Variants in PDE4D observed in about 807,000 individuals in gnomAD.
PDE4D encodes the protein phosphodiesterase 4D.
A neutral mutation model predicts 87.4 loss-of-function variants in PDE4D; 24 were observed. The observed-to-expected ratio is 0.27, with a 90% CI of 0.20 to 0.39. PDE4D has a LOEUF of 0.39. Ranked by LOEUF, PDE4D falls within the 10% of genes least tolerant of loss-of-function variation. The pLI, the probability that PDE4D is intolerant of heterozygous loss-of-function variation, is 1.00. For synonymous variants in PDE4D, 384 were observed against 383.2 expected (o/e 1.00, Z -0.02); for missense variants, 714 against 1,041.0 (o/e 0.69, Z 4.32).
chr5:60,286,716 TAAG>T (rs1752451674), intron 1 of PDE4D, among the ~76,000 whole-genome samples: 1 of 152,132 alleles, frequency 6.6e-6, no homozygotes, highest in African/African-American at 2.4e-5. Context: ...TGAGGAAAAA[TAAG>T]AAGCCTCCGA....
chr5:60,282,235 A>ATATG (rs1490291783), intron 1 of PDE4D, among the ~76,000 whole-genome samples: 96 of 132,084 alleles, frequency 7.3e-4, no homozygotes, highest in South Asian at 5.2e-3. Flanking sequence ...ATATATATAT[A>ATATG]TATTTCTCAA....
intron 1 of PDE4D, among the ~76,000 whole-genome samples, chr5:59,882,629 T>C (rs13172075): frequency 0.057 from 8,626 of 152,244 alleles, 320 homozygotes; most frequent in African/African-American, 0.1. Context: ...TCAATCCATG[T>C]ATTTAATGGG....
chr5:59,934,410 T>C (rs1220872856), intron 3 of PDE4D, among the ~76,000 whole-genome samples: 1 of 152,170 alleles, frequency 6.6e-6, no homozygotes, highest in Non-Finnish European at 1.5e-5. Context: ...GTCTGATACA[T>C]GTCTAAGGGC....
At chr5:60,263,354 G>A (rs1458369988) in intron 1 of PDE4D, among the ~76,000 whole-genome samples, 1 of 152,108 alleles carries the variant, frequency 6.6e-6, no homozygotes, top group Admixed American at 6.5e-5. Context: ...TGAGACAACC[G>A]TGACCACAGC....
rs187527709 is a variant in PDE4D at position 59,973,867 on chromosome 5, A to G, written c.272+14621T>C. Among the ~76,000 whole-genome samples, 313 of 152,278 alleles carry G rather than the reference A, an allele frequency of 2.1e-3. 2 individuals carry two copies. The highest frequency in any genetic ancestry group is 2.8e-3 in the Non-Finnish European group (191 of 68,016). On this transcript the variant is annotated intron_variant, in intron 3 of 16. Coordinates refer to the PDE4D transcript ENST00000502484. ...AACAAACAAAAAAATGACCCAGACA[A>G]GGTCACCAAAGAGAAGAGAATAAAA...
In PDE4D at chr5:60,211,452, T is replaced by TG. The variant is rs142201433; in HGVS notation, c.-89-25766dup. ...AGAAAGCTACTTGCTTTAAGAATCT[T>TG]GGGGGGGTGGGGTAGGGAATATATA... On this transcript the variant is annotated intron_variant, in intron 1 of 16. Coordinates refer to the PDE4D transcript ENST00000502484. 2.5e-3 allele frequency among the ~76,000 whole-genome samples: 346 copies of TG among 140,344 alleles called. 2 individuals carry two copies. Among genetic ancestry groups the TG allele is most frequent in the Middle Eastern group, 3.7e-3 (1 of 268 alleles). The allele number at this position is 140,344 out of a possible 152,430, so 92.1% of individuals were successfully genotyped here. A position where few individuals can be genotyped will look rare whatever the true frequency, so the allele number is the denominator to read the frequency against.
chr5:59,660,732 A>G (rs1745109577), intron 1 of PDE4D, among the ~76,000 whole-genome samples: 1 of 152,178 alleles, frequency 6.6e-6, no homozygotes, highest in Admixed American at 6.5e-5. Context: ...TTATTTAATG[A>G]GGGACAATCA....
chr5:60,345,446 T>TAATAAATAAATAAATA (rs35806424), intron 1 of PDE4D, among the ~76,000 whole-genome samples: 1 of 148,350 alleles, frequency 6.7e-6, no homozygotes, highest in African/African-American at 2.5e-5. Context: ...TAAAGTATAA[T>TAATAAATAAATAAATA]AATAAATAAA....
intron 1 of PDE4D, among the ~76,000 whole-genome samples, chr5:59,582,231 A>T (rs1462902339): frequency 6.6e-6 from 1 of 152,232 alleles, no homozygotes; most frequent in East Asian, 1.9e-4. Context: ...CCATTATCTT[A>T]CATGAGACTT....
At chr5:60,110,160 A>G (rs995955710) in intron 2 of PDE4D, among the ~76,000 whole-genome samples, 3 of 152,188 alleles carry the variant, frequency 2.0e-5, no homozygotes, top group Non-Finnish European at 4.4e-5. Flanking sequence ...CAAAAACGAA[A>G]ATAGTCAAAT....
At chr5:59,618,934 G>A (rs890292355) in intron 1 of PDE4D, among the ~76,000 whole-genome samples, 2 of 152,074 alleles carry the variant, frequency 1.3e-5, no homozygotes, top group South Asian at 2.1e-4. Context: ...ATGCTGGCAC[G>A]TTGATATTGG....
intron 1 of PDE4D, among the ~76,000 whole-genome samples, chr5:59,660,480 TTTC>T (rs1745062083): frequency 6.6e-6 from 1 of 152,190 alleles, no homozygotes; most frequent in Non-Finnish European, 1.5e-5. Flanking sequence ...CCTTTTCTAA[TTTC>T]TTCTTTTTGA....
chr5:59,565,272 A>AT, intron 1 of PDE4D, among the ~76,000 whole-genome samples: 1 of 152,142 alleles, frequency 6.6e-6, no homozygotes, highest in Non-Finnish European at 1.5e-5. Flanking sequence ...TAATCCCAAC[A>AT]TTTTGGGAGG....
At chr5:59,013,514 C>T (rs986087810) in intron 6 of PDE4D, among the ~76,000 whole-genome samples, 1 of 141,876 alleles carries the variant, frequency 7.0e-6, no homozygotes, top group African/African-American at 2.6e-5. Context: ...CAGAGAATAA[C>T]ACCTCTACAC....
At chr5:60,073,817 C>CA (rs35731301) in intron 2 of PDE4D, among the ~76,000 whole-genome samples, 1 of 151,910 alleles carries the variant, frequency 6.6e-6, no homozygotes, top group Non-Finnish European at 1.5e-5. Context: ...GCATAGTACA[C>CA]AAACCATCAT....
At chr5:59,327,114 T>A (rs1775815348) in intron 1 of PDE4D, among the ~76,000 whole-genome samples, 1 of 126,934 alleles carries the variant, frequency 7.9e-6, no homozygotes, top group South Asian at 2.7e-4. Flanking sequence ...GTCTCATATG[T>A]TAATACAGAA....
intron 1 of PDE4D, among the ~76,000 whole-genome samples, chr5:59,245,371 AATATCAT>A (rs1006126949): frequency 1.3e-5 from 2 of 152,132 alleles, no homozygotes; most frequent in African/African-American, 4.8e-5. Context: ...CTAAATAAGC[AATATCAT>A]ATAAGCCTCC....
At position 60,268,893 on chromosome 5, in the gene PDE4D, T is replaced by C; in HGVS notation, c.-89-83206A>G. Among the ~76,000 whole-genome samples the C allele has an allele frequency of 1.3e-5, 2 of 152,206 alleles. 1 individual carries two copies. Among genetic ancestry groups the C allele is most frequent in the African/African-American group, 4.8e-5 (2 of 41,452 alleles). ...AGATACCAATCATTAGAGGAAGTTT[T>C]TCTGATTATAAAAACAATGCAATTT... On this transcript the variant is annotated intron_variant, in intron 1 of 16. Transcript: ENST00000502484.
chr5:59,631,926 A>G (rs1831631826), intron 1 of PDE4D, among the ~76,000 whole-genome samples: 1 of 152,170 alleles, frequency 6.6e-6, no homozygotes, highest in South Asian at 2.1e-4. Context: ...GGCTGAAGCC[A>G]GGGAGCCAAG....
Sources: gnomAD v4.1 joint callset for allele counts (sites outside exome capture counted in the v4.1 genomes callset) on GRCh38, gnomAD v4.1.1 for gene constraint, MANE v1.5 for transcripts, NCBI Gene and HGNC (gene_info 2026-07-23, HGNC 2026-07-21) for gene names.